The following NRXN1 variants were observed in gnomAD, a reference collection of about 807,000 sequenced individuals.
The protein encoded by NRXN1 is neurexin 1.
In NRXN1, 39 loss-of-function variants were observed where a neutral mutation model predicts 150.9. That is an observed-to-expected ratio of 0.26 (90% CI 0.20 to 0.34). The LOEUF (loss-of-function observed/expected upper bound fraction) is 0.34. Among genes scored for constraint, NRXN1 ranks in the 10% least tolerant of loss-of-function variants. The pLI is 1.00. For synonymous variants in NRXN1, 924 were observed against 757.0 expected (o/e 1.22, Z -3.62); for missense variants, 1,815 against 1,949.9 (o/e 0.93, Z 1.30).
At chr2:50,199,831 C>T (rs2062035574) in intron 18 of NRXN1, among the ~76,000 whole-genome samples, 1 of 152,126 alleles carries the variant, frequency 6.6e-6, no homozygotes, top group East Asian at 1.9e-4. Context: ...TGCAAGGCTG[C>T]ATGAAATACA....
chr2:50,178,524 A>T (rs1446126135), intron 18 of NRXN1, among the ~76,000 whole-genome samples: 1 of 152,076 alleles, frequency 6.6e-6, no homozygotes, highest in East Asian at 1.9e-4. Flanking sequence ...TGGAAACAAT[A>T]TTCTATTCTC....
intron 17 of NRXN1, among the ~76,000 whole-genome samples, chr2:50,387,110 C>T (rs1230281472): frequency 1.3e-5 from 2 of 152,088 alleles, no homozygotes; most frequent in African/African-American, 2.4e-5. Context: ...TGGTTCCTCA[C>T]ATTTTTCATG....
chr2:50,213,216 T>C (rs1033966342), intron 18 of NRXN1, among the ~76,000 whole-genome samples: 4 of 151,816 alleles, frequency 2.6e-5, no homozygotes, highest in African/African-American at 9.7e-5. Context: ...AAAATGAACA[T>C]TTACAATAAG....
chr2:50,215,616 C>T (rs2063341070), intron 18 of NRXN1, among the ~76,000 whole-genome samples: 1 of 151,878 alleles, frequency 6.6e-6, no homozygotes, highest in Non-Finnish European at 1.5e-5. Flanking sequence ...ATGAAATATG[C>T]ACAGTAAAAA....
chr2:50,645,694 G>C (rs1338095635), intron 5 of NRXN1, among the ~76,000 whole-genome samples: 1 of 151,794 alleles, frequency 6.6e-6, no homozygotes, highest in Non-Finnish European at 1.5e-5. Context: ...ACTAAGATCA[G>C]ACCAAATAAG....
chr2:49,922,953 A>G (rs1372563542), intron 22 of NRXN1, among the ~76,000 whole-genome samples: 2 of 152,200 alleles, frequency 1.3e-5, no homozygotes, highest in Non-Finnish European at 2.9e-5. Flanking sequence ...TCAGTTTTAA[A>G]TACAGTCTAG....
chr2:50,900,599 T>C (rs115107583), intron 5 of NRXN1, among the ~76,000 whole-genome samples: 329 of 152,302 alleles, frequency 2.2e-3, no homozygotes, highest in African/African-American at 7.6e-3. Context: ...TGAACAGACC[T>C]ACTTGTCAGA....
At chr2:50,298,033 C>T (rs529714813) in intron 17 of NRXN1, among the ~76,000 whole-genome samples, 286 of 151,886 alleles carry the variant, frequency 1.9e-3, no homozygotes, top group African/African-American at 6.6e-3. Context: ...TTTAGCTTTC[C>T]CTAATCGGCT....
intron 17 of NRXN1, among the ~76,000 whole-genome samples, chr2:50,429,244 GA>G (rs920219236): frequency 5.8e-4 from 86 of 149,112 alleles, no homozygotes; most frequent in African/African-American, 1.9e-3. Context: ...CTTTTTTTAG[GA>G]AAAAAAAATA....
At chr2:50,763,920 C>A (rs1702100476) in intron 5 of NRXN1, among the ~76,000 whole-genome samples, 1 of 151,906 alleles carries the variant, frequency 6.6e-6, no homozygotes, top group African/African-American at 2.4e-5. Context: ...GAGTGTCCTA[C>A]TTTCTCCTCC....
intron 18 of NRXN1, among the ~76,000 whole-genome samples, chr2:50,183,757 G>C (rs765083248): frequency 6.6e-6 from 1 of 150,784 alleles, no homozygotes; most frequent in Non-Finnish European, 1.5e-5. Flanking sequence ...AGGATTATTT[G>C]GCTCAACATG....
intron 18 of NRXN1, among the ~76,000 whole-genome samples, chr2:50,126,960 G>A (rs2152742955): frequency 6.6e-6 from 1 of 152,268 alleles, no homozygotes; most frequent in Middle Eastern, 3.4e-3. Context: ...TAAACCTGGA[G>A]CTTTCACAAA....
At chr2:50,215,086 C>T (rs2063304355) in intron 18 of NRXN1, among the ~76,000 whole-genome samples, 1 of 151,948 alleles carries the variant, frequency 6.6e-6, no homozygotes, top group Non-Finnish European at 1.5e-5. Flanking sequence ...ATCTAATTAC[C>T]TTCCTATTCC....
Position 50,506,481 on chromosome 2 carries a change from A to C in NRXN1, c.2497+14T>G. 6.2e-7 allele frequency: 1 copy of C among 1,610,864 alleles called. No homozygotes were observed. The highest frequency in any genetic ancestry group is 8.5e-7 in the Non-Finnish European group (1 of 1,177,990). ...CGTTAGCATAGGAAAAGACAATGGG[A>C]CAGAGGTGTTTACCTGTCATGGCCT... On this transcript the variant is annotated intron_variant, in intron 13 of 22. Transcript: ENST00000401669.
intron 5 of NRXN1, among the ~76,000 whole-genome samples, chr2:50,785,306 T>A (rs936778328): frequency 1.4e-4 from 21 of 145,394 alleles, no homozygotes; most frequent in African/African-American, 5.3e-4. Context: ...TGGAGTGCAG[T>A]GGCACAATCT....
chr2:50,283,493 T>C (rs1015409792), intron 17 of NRXN1, among the ~76,000 whole-genome samples: 1 of 152,172 alleles, frequency 6.6e-6, no homozygotes, highest in Non-Finnish European at 1.5e-5. Context: ...GTACAGAATG[T>C]TAAGGCTTGA....
chr2:50,032,448 G>T (rs1236594812), intron 21 of NRXN1, among the ~76,000 whole-genome samples: 1 of 151,994 alleles, frequency 6.6e-6, no homozygotes, highest in Admixed American at 6.6e-5. Context: ...GGAATGGAAA[G>T]GAAATTCAAT....
At chr2:50,114,163 C>T (rs1171726299) in intron 18 of NRXN1, among the ~76,000 whole-genome samples, 1 of 152,028 alleles carries the variant, frequency 6.6e-6, no homozygotes, top group East Asian at 1.9e-4. Flanking sequence ...ACTCTTGAAA[C>T]TCAACAAAAA....
chr2:50,451,460 T>C (rs894539301), intron 17 of NRXN1, among the ~76,000 whole-genome samples: 13 of 152,280 alleles, frequency 8.5e-5, no homozygotes, highest in African/African-American at 2.9e-4. Context: ...TAAAGCTTCA[T>C]TAGGTTGTTA....
Sources: allele counts gnomAD v4.1 joint callset (sites outside exome capture counted in the v4.1 genomes callset), GRCh38; gene constraint gnomAD v4.1.1; transcripts MANE v1.5; gene names NCBI Gene and HGNC (gene_info 2026-07-23, HGNC 2026-07-21).